Variants in NRDE2 observed in about 807,000 individuals in gnomAD.
NRDE2 encodes the protein NRDE-2, necessary for RNA interference, domain containing.
Under a neutral mutation model 124.2 loss-of-function variants are expected in NRDE2, and 76 were observed. The observed-to-expected ratio is 0.61, with a 90% CI of 0.51 to 0.74. The LOEUF (loss-of-function observed/expected upper bound fraction) is 0.74. NRDE2 is among the 30% of genes least tolerant of loss of function. The pLI is 0.00. For synonymous variants in NRDE2, 489 were observed against 528.1 expected (o/e 0.93, Z 1.01); for missense variants, 1,314 against 1,417.3 (o/e 0.93, Z 1.17).
intron 1 of NRDE2, among the ~76,000 whole-genome samples, chr14:90,321,327 A>C (rs1291947270): frequency 6.6e-6 from 1 of 151,994 alleles, no homozygotes; most frequent in Non-Finnish European, 1.5e-5. Flanking sequence ...TCAGCCTCCC[A>C]AGCAGCTGGG....
At chr14:90,287,956 A>G (rs1435688261) in intron 11 of NRDE2, among the ~76,000 whole-genome samples, 3 of 152,142 alleles carry the variant, frequency 2.0e-5, no homozygotes, top group Admixed American at 2.0e-4. Flanking sequence ...GCCACCACCC[A>G]TGCACACAGA....
intron 6 of NRDE2, chr14:90,301,827 G>A (rs920107493): frequency 4.4e-6 from 2 of 455,902 alleles, no homozygotes; most frequent in Non-Finnish European, 8.8e-6. Context: ...AAGGTTCCAT[G>A]TCTGAACATT....
At chr14:90,310,073 T>A (rs982339342) in intron 4 of NRDE2, among the ~76,000 whole-genome samples, 6 of 152,220 alleles carry the variant, frequency 3.9e-5, no homozygotes, top group Non-Finnish European at 8.8e-5. Flanking sequence ...AATATTCTGA[T>A]ACTTGAGCGC....
At position 90,271,892 on chromosome 14, in the gene NRDE2, ATTTTT is replaced by A. The variant is rs58641715; in HGVS notation, c.*6439_*6443del. The A allele has an allele frequency of 0.26, 36,471 of 140,074 alleles. 5,040 individuals carry two copies. The highest frequency in any genetic ancestry group is 0.43 in the Middle Eastern group (120 of 278). The allele number at this position is 140,074 out of a possible 1,614,324, so 8.7% of individuals were successfully genotyped here. A position where few individuals can be genotyped will look rare whatever the true frequency, so the allele number is the denominator to read the frequency against. ...TGTCTCATGCTTTATTTCAGAACAGATTTTTTTTTTTTTTTTTTTGAGGTAGAGTT... is the reference window on the plus strand; with the variant it reads ...TGTCTCATGCTTTATTTCAGAACAGATTTTTTTTTTTTTTGAGGTAGAGTT... On this transcript the variant is annotated 3_prime_UTR_variant, in exon 14 of 14. Transcript: ENST00000354366.
chr14:90,315,950 C>G (rs1209542178), intron 3 of NRDE2, among the ~76,000 whole-genome samples: 4 of 132,580 alleles, frequency 3.0e-5, no homozygotes, highest in Non-Finnish European at 6.4e-5. Flanking sequence ...GGAGTGAAAC[C>G]CCGTCTCAAA....
chr14:90,304,067 C>T lies in NRDE2; in HGVS notation c.873G>A (p.Gln291=), dbSNP rs1595067503. 1.9e-6 allele frequency: 3 copies of T among 1,614,192 alleles called. No individual in the cohort carries two copies. The East Asian group carries it at 6.7e-5, about 36-fold the overall frequency. ...GCTGTGCGTCTGGCTGCTTTGATTC[C>T]TGCTCTGGAGGACCCTGTCCTTGTA... The part of the protein sequence containing the change: ...HWLQGQGPPE[Q]ESKQPDAQPD... The change falls in exon 5 of 14, where the codon CAG becomes CAA. Residue 291 remains glutamine, a synonymous_variant. Transcript: ENST00000354366.
At chr14:90,311,737 A>G (rs1884845128) in intron 4 of NRDE2, among the ~76,000 whole-genome samples, 1 of 152,216 alleles carries the variant, frequency 6.6e-6, no homozygotes, top group Non-Finnish European at 1.5e-5. Context: ...TGGGCCACAC[A>G]TAAAATACAC....
chr14:90,294,530 C>T (rs1453981844), intron 8 of NRDE2, among the ~76,000 whole-genome samples: 1 of 152,120 alleles, frequency 6.6e-6, no homozygotes, highest in East Asian at 1.9e-4. Flanking sequence ...GAAATCCTGG[C>T]GTGACATGGA....
chr14:90,304,650 T>C (rs1884535980), intron 4 of NRDE2: 2 of 363,428 alleles, frequency 5.5e-6, no homozygotes, highest in Non-Finnish European at 9.9e-6. Flanking sequence ...ATCTTAGTAA[T>C]TTCTATTTTC....
rs985368290 is a variant in NRDE2 at position 90,274,774 on chromosome 14, TTAAA to T, written c.*3558_*3561del. 25 of 135,918 alleles carry T rather than the reference TTAAA, an allele frequency of 1.8e-4. No homozygotes were observed. The highest frequency in any genetic ancestry group is 5.8e-4 in the African/African-American group (21 of 36,118). The allele number at this position is 135,918 out of a possible 1,614,324, so 8.4% of individuals were successfully genotyped here. On this transcript the variant is annotated 3_prime_UTR_variant, in exon 14 of 14. Transcript: ENST00000354366. ...TATTAATGGAATACAGTATAGCCCT[TTAAA>T]TAGGGAACTACACACACACACACAC...
intron 4 of NRDE2, among the ~76,000 whole-genome samples, chr14:90,306,591 AC>A (rs1344224041): frequency 1.6e-4 from 24 of 152,246 alleles, no homozygotes; most frequent in Non-Finnish European, 3.1e-4. Context: ...CGGGTGGATC[AC>A]CAGAGGTCGG....
intron 8 of NRDE2, among the ~76,000 whole-genome samples, chr14:90,293,347 T>C (rs1892326977): frequency 6.6e-6 from 1 of 151,996 alleles, no homozygotes; most frequent in Non-Finnish European, 1.5e-5. Context: ...GCCTCCCAGG[T>C]TCAAGCAATT....
At position 90,324,076 on chromosome 14, in the gene NRDE2, G is replaced by C. The variant is rs1043981819; in HGVS notation, c.65-5963C>G. Among the ~76,000 whole-genome samples, 6 of 152,222 alleles carry C rather than the reference G, an allele frequency of 3.9e-5. No individual in the cohort carries two copies. In the East Asian group the frequency reaches 1.2e-3, roughly 29 times the overall value. ...ACGCTCTCTAATTCAAACAAGGTCT[G>C]GATCAGAGAAAGCTAACTGAGAAAA... On this transcript the variant is annotated intron_variant, in intron 1 of 13. Coordinates refer to ENST00000354366, the MANE Select transcript of NRDE2 (RefSeq NM_017970.4).
At chr14:90,287,682 T>C (rs1206205009) in intron 11 of NRDE2, among the ~76,000 whole-genome samples, 1 of 152,128 alleles carries the variant, frequency 6.6e-6, no homozygotes, top group Non-Finnish European at 1.5e-5. Context: ...ATGACACTTC[T>C]GTCACTAGGA....
chr14:90,310,420 TCA>T (rs1244514465), intron 4 of NRDE2, among the ~76,000 whole-genome samples: 1 of 152,016 alleles, frequency 6.6e-6, no homozygotes, highest in Non-Finnish European at 1.5e-5. Flanking sequence ...CTCGTCCTCC[TCA>T]CAGAGCAGCT....
In NRDE2 at chr14:90,303,991, T is replaced by A; in HGVS notation, c.949A>T (p.Arg317Trp). The change falls in exon 5 of 14, where the codon AGG becomes TGG. Residue 317 changes from arginine to tryptophan, a missense_variant. Coordinates refer to ENST00000354366, the MANE Select transcript of NRDE2 (RefSeq NM_017970.4). ...LKAKVEEFNRRVRENPRDTQL... is the reference protein window; with the variant it reads ...LKAKVEEFNRWVRENPRDTQL... ...GTATCCCGAGGATTCTCCCGCACCC[T>A]CCTGTTAAACTCCTCCACCTTGGCC... The A allele has an allele frequency of 6.2e-7, 1 of 1,613,938 alleles. No individual in the cohort carries two copies. Among genetic ancestry groups the A allele is most frequent in the Non-Finnish European group, 8.5e-7 (1 of 1,179,898 alleles).
Position 90,270,442 on chromosome 14 carries a change from T to C in NRDE2, c.*7894A>G. 7.2e-7 allele frequency: 1 copy of C among 1,397,984 alleles called. No individual in the cohort carries two copies. The highest frequency in any genetic ancestry group is 2.5e-5 in the East Asian group (1 of 40,666). 86.6% of individuals were successfully genotyped at this position (1,397,984 alleles called of 1,614,324 possible). A position where few individuals can be genotyped will look rare whatever the true frequency, so the allele number is the denominator to read the frequency against. On this transcript the variant is annotated 3_prime_UTR_variant, in exon 14 of 14. Transcript: ENST00000354366. Reference sequence around the variant, plus strand: ...TGTGCTCTTGGGATGGTGGTTGGCCTGGACAGGTGGGTGTCTGTATTTTAA... The same window carrying C: ...TGTGCTCTTGGGATGGTGGTTGGCCCGGACAGGTGGGTGTCTGTATTTTAA...
At position 90,270,411 on chromosome 14, in the gene NRDE2, T is replaced by C; in HGVS notation, c.*7925A>G. 1 of 1,551,570 alleles carries C rather than the reference T, an allele frequency of 6.4e-7. No homozygotes were observed. Among genetic ancestry groups the C allele is most frequent in the Non-Finnish European group, 8.7e-7 (1 of 1,147,782 alleles). The stretch of plus-strand genomic sequence containing the variant: ...AATGTGGCCGTCAATCAGGAAAGAG[T>C]CTATATGTGCTCTTGGGATGGTGGT... On this transcript the variant is annotated 3_prime_UTR_variant, in exon 14 of 14. Coordinates refer to ENST00000354366, the MANE Select transcript of NRDE2 (RefSeq NM_017970.4).
chr14:90,301,134 C>T, intron 7 of NRDE2, 105 bp downstream of exon 7: 1 of 1,142,880 alleles, frequency 8.7e-7, no homozygotes, highest in Non-Finnish European at 1.3e-6. Flanking sequence ...AACACTACCA[C>T]ACCACCTCTC....
Sources: gnomAD v4.1 joint callset for allele counts (sites outside exome capture counted in the v4.1 genomes callset) on GRCh38, gnomAD v4.1.1 for gene constraint, MANE v1.5 for transcripts, NCBI Gene and HGNC (gene_info 2026-07-23, HGNC 2026-07-21) for gene names.